ASPA: variants seen among roughly 807,000 people sequenced by gnomAD.
ASPA encodes ACY-2.
Under a neutral mutation model 29.6 loss-of-function variants are expected in ASPA, and 25 were observed. That is an observed-to-expected ratio of 0.85 (90% CI 0.62 to 1.18). The LOEUF is 1.18. ASPA is among the 50% of genes most tolerant of loss of function. The probability of loss-of-function intolerance (pLI) is 0.00; values close to 1 mark genes in which losing one functional copy is unlikely to be tolerated. For missense variants in ASPA, 333 were observed against 385.7 expected, an observed-to-expected ratio of 0.86 and a Z score of 1.14; for synonymous variants, 131 against 130.3, an observed-to-expected ratio of 1.01 and a Z score of -0.04.
intron 4 of ASPA, among the ~76,000 whole-genome samples, chr17:3,491,969 C>G (rs1343716827): frequency 7.0e-6 from 1 of 143,614 alleles, no homozygotes; most frequent in Non-Finnish European, 1.5e-5. Context: ...CCTCAAGTTC[C>G]TGGGCTCAAG....
At chr17:3,492,479 G>A (rs190828926) in intron 4 of ASPA, among the ~76,000 whole-genome samples, 107 of 152,212 alleles carry the variant, frequency 7.0e-4, no homozygotes, top group African/African-American at 5.3e-4. Context: ...CCTTTCCCGC[G>A]TCCACATCCT....
At chr17:3,486,199 G>C (rs2150750946) in intron 3 of ASPA, among the ~76,000 whole-genome samples, 1 of 152,294 alleles carries the variant, frequency 6.6e-6, no homozygotes, top group East Asian at 1.9e-4. Context: ...CTCCCAAAGT[G>C]CTGGGATTAC....
rs140913932 is a variant in ASPA, at chr17:3,485,517, A to C, written c.526+1925A>C. Among the ~76,000 whole-genome samples, 10 of 152,332 alleles carry C rather than the reference A, an allele frequency of 6.6e-5. No individual in the cohort carries two copies. In the East Asian group the frequency reaches 1.5e-3, roughly 23 times the overall value. Reference sequence around the variant, plus strand: ...AACAAAAGTGAAACTCCGTCTCAAAAAAACAAACAAACAAAAATACTAGCC... The same window carrying C: ...AACAAAAGTGAAACTCCGTCTCAAACAAACAAACAAACAAAAATACTAGCC... On this transcript the variant is annotated intron_variant, in intron 3 of 5. Coordinates refer to ENST00000263080, the MANE Select transcript of ASPA (RefSeq NM_000049.4). This position sits in a 1 kb window ranked among gnomAD's most constrained non-coding sequence, Gnocchi z 4.4.
In ASPA at chr17:3,481,513, G is replaced by T. The variant is rs1187771794; in HGVS notation, c.237-90G>T. Reference sequence around the variant, plus strand: ...AGATTTTTCATATTAAAGATTTGGCGACTGGTTCTTTTTACACTGTGTTCT... The same window carrying T: ...AGATTTTTCATATTAAAGATTTGGCTACTGGTTCTTTTTACACTGTGTTCT... On this transcript the variant is annotated intron_variant, in intron 1 of 5. Coordinates refer to ENST00000263080, the MANE Select transcript of ASPA (RefSeq NM_000049.4). 4.1e-6 allele frequency: 5 copies of T among 1,214,880 alleles called. No individual in the cohort carries two copies. In the African/African-American group the frequency reaches 4.6e-5, roughly 11 times the overall value. 75.3% of individuals were successfully genotyped at this position (1,214,880 alleles called of 1,614,324 possible).
intron 1 of ASPA, 121 bp from the exon 2 acceptor site, chr17:3,481,482 C>G (rs973035891): frequency 3.4e-6 from 3 of 891,356 alleles, no homozygotes; most frequent in Non-Finnish European, 5.2e-6. Context: ...TTTTTACTTA[C>G]CACACAGATT....
At chr17:3,480,112 AGGCCAGGTGT>A (rs2073601617) in intron 1 of ASPA, among the ~76,000 whole-genome samples, 1 of 152,180 alleles carries the variant, frequency 6.6e-6, no homozygotes, top group African/African-American at 2.4e-5. Flanking sequence ...ATCTCTAATT[AGGCCAGGTGT>A]GGCTGCTCAT....
intron 1 of ASPA, 145 bp from the exon 2 acceptor site, chr17:3,481,458 A>C: frequency 1.4e-6 from 1 of 701,968 alleles, no homozygotes; most frequent in Non-Finnish European, 2.4e-6. Context: ...TCATATATAA[A>C]CATTTCAGGT....
chr17:3,500,502 T>TGTTTTTG lies in ASPA; in HGVS notation c.*1420_*1421insGGTTTTT, dbSNP rs2073976468. 1 of 22,736 alleles carries TGTTTTTG rather than the reference T, an allele frequency of 4.4e-5. No individual in the cohort carries two copies. The highest frequency in any genetic ancestry group is 8.4e-4 in the Admixed American group (1 of 1,184). 1.4% of individuals were successfully genotyped at this position (22,736 alleles called of 1,614,324 possible). On this transcript the variant is annotated 3_prime_UTR_variant, in exon 6 of 6. Coordinates refer to ENST00000263080, the MANE Select transcript of ASPA (RefSeq NM_000049.4). ...ACTGTTTCAAAAATCCTAAAACTCT[T>TGTTTTTG]GTTTTTTGTTTTTTTTTTGAGACGG...
intron 2 of ASPA, among the ~76,000 whole-genome samples, chr17:3,482,258 T>C (rs939342243): frequency 6.6e-6 from 1 of 152,210 alleles, no homozygotes; most frequent in African/African-American, 2.4e-5. Context: ...TAACGTAGAC[T>C]AAAGCCCAGT....
At chr17:3,477,356 G>A (rs1158333037) in intron 1 of ASPA, among the ~76,000 whole-genome samples, 1 of 152,146 alleles carries the variant, frequency 6.6e-6, no homozygotes, top group East Asian at 1.9e-4. Flanking sequence ...AACATGCTAG[G>A]TTAGGTCCTT....
chr17:3,484,691 T>C (rs2073689359), intron 3 of ASPA, among the ~76,000 whole-genome samples: 1 of 152,256 alleles, frequency 6.6e-6, no homozygotes, highest in African/African-American at 2.4e-5. Context: ...TACTTGAATA[T>C]TTTAGCAATG....
intron 1 of ASPA, among the ~76,000 whole-genome samples, chr17:3,478,885 G>C (rs570788041): frequency 6.6e-6 from 1 of 151,950 alleles, no homozygotes; most frequent in Non-Finnish European, 1.5e-5. Flanking sequence ...ACGTCTAGTG[G>C]GTCACTAAGT....
intron 1 of ASPA, 46 bp from the exon 2 acceptor site, chr17:3,481,557 T>C: frequency 6.5e-7 from 1 of 1,531,502 alleles, no homozygotes; most frequent in Middle Eastern, 2.2e-4. Flanking sequence ...GTTTATATTA[T>C]CTCAGGCACA....
At chr17:3,498,785 T>C (rs540384544) in intron 5 of ASPA, 106 bp from the exon 6 acceptor site, 17 of 1,153,074 alleles carry the variant, frequency 1.5e-5, no homozygotes, top group Non-Finnish European at 2.0e-5. Context: ...AGTATCTCTT[T>C]TAAAACAACA....
rs907899294 is a variant in ASPA at position 3,490,669 on chromosome 17, G to A, written c.634+1327G>A. 3.9e-5 allele frequency among the ~76,000 whole-genome samples: 6 copies of A among 152,138 alleles called. No individual in the cohort carries two copies. The highest frequency in any genetic ancestry group is 7.4e-5 in the Non-Finnish European group (5 of 68,024). The stretch of plus-strand genomic sequence containing the variant: ...AGGTTCTATACTGTCTAATGGAACT[G>A]GTTTTGAGAAGATCACAACATACTT... On this transcript the variant is annotated intron_variant, in intron 4 of 5. Coordinates refer to ENST00000263080, the MANE Select transcript of ASPA (RefSeq NM_000049.4). This position sits in a 1 kb window ranked among gnomAD's most constrained non-coding sequence, Gnocchi z 4.6.
At chr17:3,494,205 TGTTGG>T in intron 4 of ASPA, 140 bp from the exon 5 acceptor site, 13 of 652,854 alleles carry the variant, frequency 2.0e-5, no homozygotes, top group South Asian at 1.9e-4. Context: ...GGGTTCACCA[TGTTGG>T]CCAGGCTGTT....
intron 5 of ASPA, among the ~76,000 whole-genome samples, chr17:3,496,937 G>T (rs1230908989): frequency 6.6e-6 from 1 of 152,120 alleles, no homozygotes; most frequent in Non-Finnish European, 1.5e-5. Context: ...ATGGTGGCAG[G>T]CGCCTGTAAT....
At chr17:3,480,030 G>C (rs1357628569) in intron 1 of ASPA, among the ~76,000 whole-genome samples, 1 of 110,110 alleles carries the variant, frequency 9.1e-6, no homozygotes, top group Non-Finnish European at 2.1e-5. Flanking sequence ...CAAACTTGTG[G>C]CCTTTTTGGA....
chr17:3,475,958 G>C (rs948539045), upstream of ASPA: 1 of 595,818 alleles, frequency 1.7e-6, no homozygotes, highest in Non-Finnish European at 3.0e-6. Context: ...ATATGGCAAA[G>C]GGCAGGGCTA....
Sources: allele counts gnomAD v4.1 joint callset (sites outside exome capture counted in the v4.1 genomes callset), GRCh38; gene constraint gnomAD v4.1.1; non-coding constraint Gnocchi (gnomAD v3.1); transcripts MANE v1.5; gene names NCBI Gene and HGNC (gene_info 2026-07-23, HGNC 2026-07-21).